Variants in NKAIN4 observed in about 807,000 individuals in gnomAD.
The protein encoded by NKAIN4 is sodium/potassium transporting ATPase interacting 4, also known as sodium/potassium-transporting ATPase subunit beta-1-interacting protein 4.
NKAIN4 carries 28 observed loss-of-function variants against 28.8 expected under a neutral mutation model. The ratio of observed to expected loss-of-function variants is 0.97; its 90% confidence interval spans 0.72 to 1.33. NKAIN4 has a LOEUF of 1.33. Among genes scored for constraint, NKAIN4 ranks in the 40% most tolerant of loss-of-function variants. The pLI, the probability that NKAIN4 is intolerant of heterozygous loss-of-function variation, is 0.00. For synonymous variants in NKAIN4, 122 were observed against 115.6 expected (o/e 1.06, Z -0.36); for missense variants, 289 against 277.2 (o/e 1.04, Z -0.30).
In NKAIN4 at chr20:63,241,404, G is replaced by T; in HGVS notation, c.*93C>A. On this transcript the variant is annotated 3_prime_UTR_variant, in exon 7 of 7. Transcript: ENST00000370316. ...CCGGCCGCCTGGGGGGTGCTGGGTG[G>T]GGGCGCGTCCCAAGGCCTGGGAGCT... 1 of 1,387,980 alleles carries T rather than the reference G, an allele frequency of 7.2e-7. No homozygotes were observed. The highest frequency in any genetic ancestry group is 1.2e-5 in the South Asian group (1 of 80,560). 86.0% of individuals were successfully genotyped at this position (1,387,980 alleles called of 1,614,324 possible).
rs547407706 is a variant in NKAIN4, at chr20:63,241,408, C to T, written c.*89G>A. On this transcript the variant is annotated 3_prime_UTR_variant, in exon 7 of 7. Coordinates refer to ENST00000370316, the MANE Select transcript of NKAIN4 (RefSeq NM_152864.4). ...CCGCCTGGGGGGTGCTGGGTGGGGGCGCGTCCCAAGGCCTGGGAGCTCCTG... is the reference window on the plus strand; with the variant it reads ...CCGCCTGGGGGGTGCTGGGTGGGGGTGCGTCCCAAGGCCTGGGAGCTCCTG... The T allele has an allele frequency of 8.3e-5, 117 of 1,414,584 alleles. No individual in the cohort carries two copies. Among genetic ancestry groups the T allele is most frequent in the African/African-American group, 5.1e-4 (36 of 70,422 alleles). 87.6% of individuals were successfully genotyped at this position (1,414,584 alleles called of 1,614,324 possible).
Position 63,254,416 on chromosome 20 carries a change from A to ACGACGAGCGCGCAGCGGC in NKAIN4, c.17_34dup (p.Gly6_Val11dup). ...ACTCACCAGCTGAAAAGCGCAGAGG[A>ACGACGAGCGCGCAGCGGC]CGACGAGCGCGCAGCGGCCGGAGCA... is the stretch of plus-strand genomic sequence containing the variant. On this transcript the variant is annotated inframe_insertion, in exon 1 of 7. Coordinates refer to ENST00000370316, the MANE Select transcript of NKAIN4 (RefSeq NM_152864.4). 1.4e-6 allele frequency: 2 copies of ACGACGAGCGCGCAGCGGC among 1,445,302 alleles called. No individual in the cohort carries two copies. Among genetic ancestry groups the ACGACGAGCGCGCAGCGGC allele is most frequent in the Non-Finnish European group, 1.8e-6 (2 of 1,099,958 alleles). 89.5% of individuals were successfully genotyped at this position (1,445,302 alleles called of 1,614,324 possible). A position where few individuals can be genotyped will look rare whatever the true frequency, so the allele number is the denominator to read the frequency against.
intron 4 of NKAIN4, chr20:63,247,358 C>T (rs779443138): frequency 1.3e-5 from 19 of 1,507,860 alleles, no homozygotes; most frequent in Non-Finnish European, 1.4e-5. Context: ...GGGTTGGCCC[C>T]GCCTGGGGGA....
intron 4 of NKAIN4, chr20:63,246,505 G>A: frequency 1.0e-6 from 1 of 985,374 alleles, no homozygotes; most frequent in Non-Finnish European, 1.2e-6. Context: ...AGGAGCCCCG[G>A]GAGCTCACGA....
At chr20:63,248,015 C>T (rs2066892516) in intron 3 of NKAIN4, 1 of 437,986 alleles carries the variant, frequency 2.3e-6, no homozygotes, top group East Asian at 3.8e-5. Context: ...TCCAGGAAGG[C>T]CTCCCTGCCC....
intron 5 of NKAIN4, among the ~76,000 whole-genome samples, chr20:63,243,453 C>T (rs1317239468): frequency 6.6e-6 from 1 of 152,126 alleles, no homozygotes; most frequent in African/African-American, 2.4e-5. Context: ...CCCTGCTTGG[C>T]GTCTGCCCTT....
At chr20:63,254,252 G>T in intron 1 of NKAIN4, 145 bp downstream of exon 1, 2 of 615,472 alleles carry the variant, frequency 3.2e-6, no homozygotes, top group Non-Finnish European at 4.9e-6. Flanking sequence ...GGCCGTAGCA[G>T]CCCGGGGTCC....
In NKAIN4 at chr20:63,245,652, C is replaced by T. The variant is rs943247361; in HGVS notation, c.472-1568G>A. ...TGTCAGACGACTCTCTTGCCACCAC[C>T]ATTTCCATCCCCAGCACAGCTGGGC... On this transcript the variant is annotated intron_variant, in intron 4 of 6. Transcript: ENST00000370316. This position sits in a 1 kb window ranked among gnomAD's most constrained non-coding sequence, Gnocchi z 4.7. 4.6e-5 allele frequency among the ~76,000 whole-genome samples: 7 copies of T among 152,184 alleles called. No homozygotes were observed. Among genetic ancestry groups the T allele is most frequent in the African/African-American group, 1.7e-4 (7 of 41,434 alleles).
intron 5 of NKAIN4, 132 bp from the exon 6 acceptor site, chr20:63,242,755 A>G (rs2066779591): frequency 7.4e-6 from 3 of 407,680 alleles, no homozygotes; most frequent in South Asian, 5.6e-5. Context: ...AAGCCCTGAC[A>G]TGACAGCAGA....
chr20:63,246,193 G>T (rs989777393), intron 4 of NKAIN4, among the ~76,000 whole-genome samples: 1 of 152,216 alleles, frequency 6.6e-6, no homozygotes, highest in African/African-American at 2.4e-5. Context: ...CTCCCAAAGT[G>T]CTGGGATTAC....
rs1478288602 is a variant in NKAIN4 at position 63,252,125 on chromosome 20, A to C, written c.55-2053T>G. Among the ~76,000 whole-genome samples, 2 of 152,308 alleles carry C rather than the reference A, an allele frequency of 1.3e-5. No homozygotes were observed. The highest frequency in any genetic ancestry group is 3.9e-4 in the East Asian group (2 of 5,170). On this transcript the variant is annotated intron_variant, in intron 1 of 6. Coordinates refer to ENST00000370316, the MANE Select transcript of NKAIN4 (RefSeq NM_152864.4). The surrounding 1 kb of genome is among the most constrained non-coding windows in gnomAD (Gnocchi z 4.6). ...GGCTCCAGAATGGAGACCCTGCAGC[A>C]CAGAGGGGCTGGGGGCGTCTTTTTC...
At chr20:63,250,317 C>A (rs575270009) in intron 1 of NKAIN4, among the ~76,000 whole-genome samples, 2 of 152,340 alleles carry the variant, frequency 1.3e-5, no homozygotes, top group South Asian at 4.1e-4. Context: ...GCCTGACAGG[C>A]CCCCTTGTGT....
At chr20:63,248,623 C>A in intron 3 of NKAIN4, 192 bp downstream of exon 3, 1 of 562,158 alleles carries the variant, frequency 1.8e-6, no homozygotes, top group South Asian at 2.1e-5. Context: ...AATCAAATCA[C>A]TGGTCTTTCC....
chr20:63,242,601 A>T lies in NKAIN4; in HGVS notation c.555T>A (p.Asp185Glu). Residue 185 changes from aspartate (D) to glutamate (E), a missense_variant, in exon 6 of 7, where the codon GAT becomes GAA. Coordinates refer to ENST00000370316, the MANE Select transcript of NKAIN4 (RefSeq NM_152864.4). The part of the protein sequence containing the change: ...EDSFDFIGGF[D>E]PFPLYHVNEK... ...CATTGACATGGTAGAGAGGAAATGG[A>T]TCAAATCCACCAATGAAATCAACTG... The T allele has an allele frequency of 6.2e-7, 1 of 1,612,992 alleles. No homozygotes were observed. Among genetic ancestry groups the T allele is most frequent in the Non-Finnish European group, 8.5e-7 (1 of 1,179,168 alleles).
At position 63,244,376 on chromosome 20, in the gene NKAIN4, TGGCTGC is replaced by T. The variant is rs1278330808; in HGVS notation, c.472-298_472-293del. The stretch of plus-strand genomic sequence containing the variant: ...GGGAAGATGAGCAGGTCAGCCTGAG[TGGCTGC>T]AGGGAGCGGGGTGAGGACACAGAAG... On this transcript the variant is annotated intron_variant, in intron 4 of 6. Transcript: ENST00000370316. 67 of 527,626 alleles carry T rather than the reference TGGCTGC, an allele frequency of 1.3e-4. No individual in the cohort carries two copies. The East Asian group carries it at 2.9e-3, about 23-fold the overall frequency. The allele number at this position is 527,626 out of a possible 1,614,324, so 32.7% of individuals were successfully genotyped here.
intron 5 of NKAIN4, among the ~76,000 whole-genome samples, 182 bp from the exon 6 acceptor site, chr20:63,242,805 G>A (rs1255036759): frequency 2.7e-5 from 4 of 149,266 alleles, no homozygotes; most frequent in African/African-American, 7.5e-5. Context: ...TGGGACACCC[G>A]GGTCCTCGGC....
At chr20:63,248,597 A>G in intron 3 of NKAIN4, 1 of 523,558 alleles carries the variant, frequency 1.9e-6, no homozygotes. Context: ...ATACCCACAG[A>G]CGCCTTTCTT....
At chr20:63,244,946 G>A (rs1436081385) in intron 4 of NKAIN4, among the ~76,000 whole-genome samples, 2 of 152,194 alleles carry the variant, frequency 1.3e-5, no homozygotes, top group Non-Finnish European at 1.5e-5. Context: ...CAGCAGCCGG[G>A]TGACCCCAAA....
intron 2 of NKAIN4, 154 bp from the exon 3 acceptor site, chr20:63,249,049 G>A (rs2066910607): frequency 1.6e-6 from 1 of 626,120 alleles, no homozygotes. Context: ...CATGGAGAAA[G>A]GGGTCCCCCA....
Sources: allele counts gnomAD v4.1 joint callset (sites outside exome capture counted in the v4.1 genomes callset), GRCh38; gene constraint gnomAD v4.1.1; non-coding constraint Gnocchi (gnomAD v3.1); transcripts MANE v1.5; gene names NCBI Gene and HGNC (gene_info 2026-07-23, HGNC 2026-07-21).